The following OSGEPL1 variants were observed in gnomAD, a reference collection of about 807,000 sequenced individuals.
OSGEPL1 encodes tRNA N6-adenosine threonylcarbamoyltransferase, mitochondrial.
A neutral mutation model predicts 37.2 loss-of-function variants in OSGEPL1; 26 were observed. The ratio of observed to expected loss-of-function variants is 0.70; its 90% CI spans 0.51 to 0.97. The LOEUF is 0.97. OSGEPL1 is among the 50% of genes least tolerant of loss of function. The pLI, the probability that OSGEPL1 is intolerant of heterozygous loss-of-function variation, is 0.00. For synonymous variants in OSGEPL1, 140 were observed against 159.9 expected (o/e 0.88, Z 0.94); for missense variants, 404 against 487.0 (o/e 0.83, Z 1.60).
chr2:189,755,919 AAG>A (rs2106020736), intron 2 of OSGEPL1, among the ~76,000 whole-genome samples: 1 of 152,318 alleles, frequency 6.6e-6, no homozygotes, highest in South Asian at 2.1e-4. Flanking sequence ...AGAAGATTTT[AAG>A]AGAGATTACT....
chr2:189,750,584 C>T lies in OSGEPL1; in HGVS notation c.1239G>A (p.Glu413=), dbSNP rs1574843025. The T allele has an allele frequency of 6.4e-7, 1 of 1,566,348 alleles. No homozygotes were observed. Among genetic ancestry groups the T allele is most frequent in the East Asian group, 2.3e-5 (1 of 43,996 alleles). ...ASIKVPQLKM[E]I ...CTTTTTTGAACAGCAGAAATCATAT[C>T]TCCATTTTTAATTGTGGTACTTTTA... is the stretch of plus-strand genomic sequence containing the variant. The change falls in exon 8 of 9, where the codon GAG becomes GAA. Residue 413 remains glutamate (E), a synonymous_variant. Coordinates refer to ENST00000264151, the MANE Select transcript of OSGEPL1 (RefSeq NM_022353.3).
chr2:189,752,299 G>T (rs910840347), intron 7 of OSGEPL1, among the ~76,000 whole-genome samples: 4 of 152,086 alleles, frequency 2.6e-5, no homozygotes, highest in Non-Finnish European at 5.9e-5. Flanking sequence ...AATGCTTTCT[G>T]CATGTTTTCC....
In OSGEPL1 at chr2:189,750,631, T is replaced by C. The variant is rs1237005875; in HGVS notation, c.1192A>G (p.Lys398Glu). The C allele has an allele frequency of 3.8e-6, 6 of 1,590,322 alleles. No individual in the cohort carries two copies. The Admixed American group carries it at 8.9e-5, about 24-fold the overall frequency. Residue 398 changes from lysine to glutamate, a missense_variant, in exon 8 of 9, where the codon AAA (lysine) becomes GAA (glutamate). Coordinates refer to ENST00000264151, the MANE Select transcript of OSGEPL1 (RefSeq NM_022353.3). ...TTTATGGAAGCTTCTCCAACTTCTT[T>C]TGATATGTCTACTCCAAGAGGACAT... ...PKCPLGVDIS[K>E]EVGEASIKVP...
intron 8 of OSGEPL1, among the ~76,000 whole-genome samples, chr2:189,747,558 G>A (rs2044335954): frequency 1.3e-5 from 2 of 152,030 alleles, no homozygotes; most frequent in Non-Finnish European, 2.9e-5. Context: ...AACTGGAAAG[G>A]GTAATAGTCT....
intron 7 of OSGEPL1, 103 bp downstream of exon 7, chr2:189,752,550 A>G (rs1321217664): frequency 1.9e-6 from 2 of 1,069,458 alleles, no homozygotes; most frequent in African/African-American, 3.2e-5. Context: ...CTTTCCTTCA[A>G]GTACCACCAG....
chr2:189,754,111 T>C, intron 4 of OSGEPL1, 30 bp downstream of exon 4: 1 of 1,611,862 alleles, frequency 6.2e-7, no homozygotes, highest in Non-Finnish European at 8.5e-7. Context: ...GGAATATTTA[T>C]CTGTTCAACT....
Position 189,755,268 on chromosome 2 carries a change from C to T in OSGEPL1, c.514G>A (p.Gly172Arg), listed in dbSNP as rs747446263. ...EFPFLVLLIS[G>R]GHCLLALVQG... is the part of the protein sequence containing the mutation. ...ACTAATGCCAACAGACAGTGACCTC[C>T]AGAAATCAAAAGAACTAAAAAAGGA... The change falls in exon 3 of 9, where the codon GGA (glycine) becomes AGA (arginine). Residue 172 changes from glycine (G) to arginine (R), a missense_variant. Physicochemically the swap from Gly to Arg is moderately radical, Grantham distance 125. Coordinates refer to ENST00000264151, the MANE Select transcript of OSGEPL1 (RefSeq NM_022353.3). 1 of 1,613,472 alleles carries T rather than the reference C, an allele frequency of 6.2e-7. No homozygotes were observed. Among genetic ancestry groups the T allele is most frequent in the South Asian group, 1.1e-5 (1 of 91,020 alleles).
At chr2:189,760,620 G>A (rs1472786223) in intron 2 of OSGEPL1, among the ~76,000 whole-genome samples, 4 of 151,914 alleles carry the variant, frequency 2.6e-5, no homozygotes, top group African/African-American at 4.8e-5. Context: ...GTGAAACCCC[G>A]TCTCTACTAA....
chr2:189,749,231 G>A (rs186872665), intron 8 of OSGEPL1, among the ~76,000 whole-genome samples: 78 of 133,278 alleles, frequency 5.9e-4, no homozygotes, highest in Admixed American at 1.8e-3. Flanking sequence ...GGACAACAGA[G>A]CGAGACTCTG....
rs369495748 is a variant in OSGEPL1, at chr2:189,751,569, C to T, written c.1167-913G>A. On this transcript the variant is annotated intron_variant, in intron 7 of 8. Coordinates refer to ENST00000264151, the MANE Select transcript of OSGEPL1 (RefSeq NM_022353.3). ...AGGCAATTCTCCTGCCTCAGCCTCC[C>T]GAGTAGCTGCGATTACAGGTGCCTG... Among the ~76,000 whole-genome samples, 50 of 151,314 alleles carry T rather than the reference C, an allele frequency of 3.3e-4. No homozygotes were observed. The South Asian group carries it at 9.4e-3, about 29-fold the overall frequency.
At chr2:189,748,597 A>G (rs1221740476) in intron 8 of OSGEPL1, among the ~76,000 whole-genome samples, 1 of 152,220 alleles carries the variant, frequency 6.6e-6, no homozygotes, top group Non-Finnish European at 1.5e-5. Flanking sequence ...CTGAGTCACA[A>G]CTTTCTGGTG....
At chr2:189,762,226 A>G (rs937530200) in intron 1 of OSGEPL1, among the ~76,000 whole-genome samples, 3 of 152,218 alleles carry the variant, frequency 2.0e-5, no homozygotes, top group Admixed American at 6.5e-5. Flanking sequence ...AGGTTTTGTC[A>G]TAACAAGGAT....
At chr2:189,763,047 AT>A (rs35618522), upstream of OSGEPL1, 28 of 965,256 alleles carry the variant, frequency 2.9e-5, no homozygotes, top group Admixed American at 1.2e-4. Flanking sequence ...TTAAAAAGAA[AT>A]TTTTTTTTTG....
chr2:189,762,923 A>G (rs913737632), upstream of OSGEPL1: 9 of 985,222 alleles, frequency 9.1e-6, no homozygotes, highest in African/African-American at 1.6e-4. Context: ...CATTTCCCCC[A>G]GATTTGCAGG....
At chr2:189,754,489 T>C (rs1056386707) in intron 3 of OSGEPL1, 144 bp from the exon 4 acceptor site, 1 of 728,386 alleles carries the variant, frequency 1.4e-6, no homozygotes, top group Non-Finnish European at 2.2e-6. Flanking sequence ...ATATAGACTA[T>C]AGCTGATATT....
rs543721995 is a variant in OSGEPL1, at chr2:189,753,713, T to C, written c.963+203A>G. On this transcript the variant is annotated intron_variant, in intron 5 of 8. Coordinates refer to ENST00000264151, the MANE Select transcript of OSGEPL1 (RefSeq NM_022353.3). ...GATGCAAAATTAGACTTATGTGCCA[T>C]AGAAGCTATACAGCTGTCCCATAAA... Among the ~76,000 whole-genome samples the C allele has an allele frequency of 3.9e-5, 6 of 152,340 alleles. No homozygotes were observed. In the South Asian group the frequency reaches 1.2e-3, roughly 32 times the overall value.
At chr2:189,756,819 C>T (rs2046161104) in intron 2 of OSGEPL1, among the ~76,000 whole-genome samples, 1 of 152,094 alleles carries the variant, frequency 6.6e-6, no homozygotes, top group Admixed American at 6.6e-5. Context: ...CCTTAGAGCC[C>T]ATCCTATATT....
chr2:189,762,838 C>A (rs1039102497), upstream of OSGEPL1: 42 of 985,412 alleles, frequency 4.3e-5, no homozygotes, highest in South Asian at 1.9e-4. Flanking sequence ...GCTGCTGTTC[C>A]GCTAGCGAGC....
intron 2 of OSGEPL1, chr2:189,761,185 A>G: frequency 2.9e-6 from 1 of 347,976 alleles, no homozygotes; most frequent in Non-Finnish European, 5.1e-6. Context: ...TAAATACGGA[A>G]GCTGGGAATG....
Sources: gnomAD v4.1 joint callset for allele counts (sites outside exome capture counted in the v4.1 genomes callset) on GRCh38, gnomAD v4.1.1 for gene constraint, MANE v1.5 for transcripts, NCBI Gene and HGNC (gene_info 2026-07-23, HGNC 2026-07-21) for gene names.